The following SCML2 variants were observed in gnomAD, a reference collection of about 807,000 sequenced individuals.
SCML2 encodes the protein Scm polycomb group protein like 2.
A neutral mutation model predicts 48.4 loss-of-function variants in SCML2; 6 were observed. That is an observed-to-expected ratio of 0.12 (90% CI 0.07 to 0.24). The LOEUF is 0.24. Among genes scored for constraint, SCML2 ranks in the 10% least tolerant of loss-of-function variants. The pLI is 1.00. For missense variants in SCML2, 377 were observed against 528.2 expected (o/e 0.71, Z 2.81); for synonymous variants, 181 against 189.5 (o/e 0.95, Z 0.37).
At chrX:18,249,709 T>C (rs949170886) in intron 11 of SCML2, among the ~76,000 whole-genome samples, 1 of 111,403 alleles carries the variant, frequency 9.0e-6, no homozygotes, top group Admixed American at 9.6e-5. Context: ...ACGGTTCACA[T>C]GCATATGCAC....
chrX:18,297,877 C>T (rs955010287), intron 7 of SCML2, among the ~76,000 whole-genome samples: 15 of 110,628 alleles, frequency 1.4e-4, no homozygotes, highest in Non-Finnish European at 1.9e-4. Flanking sequence ...GGCATGGTGA[C>T]ACATGCCTGT....
intron 11 of SCML2, among the ~76,000 whole-genome samples, chrX:18,253,995 G>C (rs1394679915): frequency 8.9e-6 from 1 of 111,765 alleles, no homozygotes; most frequent in Non-Finnish European, 1.9e-5. Context: ...AGGTATCCTT[G>C]TGCGAAGTGA....
chrX:18,260,492 T>G (rs1443337616), intron 8 of SCML2, among the ~76,000 whole-genome samples: 2 of 111,236 alleles, frequency 1.8e-5, no homozygotes, highest in Non-Finnish European at 3.8e-5. Flanking sequence ...ACTGTCCAGG[T>G]AGGGGAGAAA....
rs201932466 is a variant in SCML2, at chrX:18,350,577, G to GA, written c.-25+4014dup. Among the ~76,000 whole-genome samples the GA allele has an allele frequency of 3.7e-3, 299 of 81,322 alleles. 3 individuals carry two copies. The highest frequency in any genetic ancestry group is 6.6e-3 in the Middle Eastern group (1 of 152). The allele number at this position is 81,322 out of a possible 115,157, so 70.6% of individuals were successfully genotyped here. ...GGTGACAAAACGAGACTCCATCTCGGAAAAAAAAAAAAAAAAAATTAGCTG... is the reference window on the plus strand; with the variant it reads ...GGTGACAAAACGAGACTCCATCTCGGAAAAAAAAAAAAAAAAAAATTAGCTG... On this transcript the variant is annotated intron_variant, in intron 1 of 14. Coordinates refer to ENST00000251900, the MANE Select transcript of SCML2 (RefSeq NM_006089.3).
At chrX:18,289,741 A>C (rs1928169728) in intron 7 of SCML2, among the ~76,000 whole-genome samples, 1 of 112,004 alleles carries the variant, frequency 8.9e-6, no homozygotes, top group Non-Finnish European at 1.9e-5. Context: ...TAAAAGCTAT[A>C]AAATCTTAAT....
At chrX:18,296,010 T>G (rs943556708) in intron 7 of SCML2, among the ~76,000 whole-genome samples, 1 of 111,771 alleles carries the variant, frequency 8.9e-6, no homozygotes, top group Admixed American at 9.5e-5. Flanking sequence ...AAGCGGCAAC[T>G]ATTATGCTAG....
intron 1 of SCML2, chrX:18,341,198 T>C: frequency 5.4e-6 from 3 of 550,744 alleles, no homozygotes; most frequent in Non-Finnish European, 8.1e-6. Flanking sequence ...GTTTGCCCAC[T>C]AGGATTGTTT....
chrX:18,334,083 T>C lies in SCML2; in HGVS notation c.-12A>G, dbSNP rs147332172. 488 of 1,188,124 alleles carry C rather than the reference T, an allele frequency of 4.1e-4. 1 individual carries two copies. Among genetic ancestry groups the C allele is most frequent in the South Asian group, 3.6e-3 (187 of 52,158 alleles). On this transcript the variant is annotated 5_prime_UTR_variant, in exon 2 of 15. Coordinates refer to ENST00000251900, the MANE Select transcript of SCML2 (RefSeq NM_006089.3). ...ACTGTTTGTCCCATGGTATCCCTATTTGGTGTTGTTTCCTACAAGGAGAAA... is the reference window on the plus strand; with the variant it reads ...ACTGTTTGTCCCATGGTATCCCTATCTGGTGTTGTTTCCTACAAGGAGAAA...
At chrX:18,326,422 T>C in intron 3 of SCML2, among the ~76,000 whole-genome samples, 1 of 110,385 alleles carries the variant, frequency 9.1e-6, no homozygotes, top group South Asian at 3.9e-4. Flanking sequence ...GGTGGCTCTG[T>C]AATCCCAGCA....
At chrX:18,354,104 C>A (rs1930461719) in intron 1 of SCML2, among the ~76,000 whole-genome samples, 1 of 112,376 alleles carries the variant, frequency 8.9e-6, no homozygotes, top group South Asian at 3.6e-4. Flanking sequence ...GATTTGCGCC[C>A]GCACGCCGCC....
intron 6 of SCML2, among the ~76,000 whole-genome samples, chrX:18,307,008 G>A (rs780385006): frequency 3.6e-5 from 4 of 110,542 alleles, no homozygotes; most frequent in Non-Finnish European, 5.7e-5. Context: ...AACCACCCTG[G>A]GCTCAAACCT....
intron 14 of SCML2, among the ~76,000 whole-genome samples, chrX:18,242,074 A>C (rs1436766227): frequency 8.9e-6 from 1 of 111,766 alleles, no homozygotes; most frequent in Admixed American, 9.6e-5. Flanking sequence ...GAGGAAGGCC[A>C]CCCTGTAATA....
At chrX:18,290,172 T>C (rs926736798) in intron 7 of SCML2, among the ~76,000 whole-genome samples, 7 of 111,871 alleles carry the variant, frequency 6.3e-5, no homozygotes, top group African/African-American at 2.3e-4. Flanking sequence ...TTAAGGTCTA[T>C]TTAAGTAAGT....
chrX:18,244,035 T>C (rs1926357083), intron 13 of SCML2, among the ~76,000 whole-genome samples: 1 of 112,180 alleles, frequency 8.9e-6, no homozygotes, highest in African/African-American at 3.2e-5. Flanking sequence ...AAAGAACTTA[T>C]AGTGGTTAAT....
At chrX:18,308,011 T>C (rs919184130) in intron 6 of SCML2, among the ~76,000 whole-genome samples, 3 of 105,788 alleles carry the variant, frequency 2.8e-5, no homozygotes, top group African/African-American at 6.9e-5. Flanking sequence ...GGAGAATCGC[T>C]TGAATCCAGG....
intron 1 of SCML2, among the ~76,000 whole-genome samples, chrX:18,353,174 T>C (rs961116567): frequency 9.2e-6 from 1 of 108,652 alleles, no homozygotes; most frequent in Non-Finnish European, 1.9e-5. Flanking sequence ...TGAAAGCACA[T>C]TCGTAATTGG....
chrX:18,321,250 A>C (rs1929309799), intron 5 of SCML2, among the ~76,000 whole-genome samples: 1 of 111,519 alleles, frequency 9.0e-6, no homozygotes, highest in Non-Finnish European at 1.9e-5. Flanking sequence ...GATGCTATCA[A>C]AATAGACTCA....
chrX:18,324,735 T>G (rs1221336637), intron 4 of SCML2, among the ~76,000 whole-genome samples, 172 bp downstream of exon 4: 1 of 112,188 alleles, frequency 8.9e-6, no homozygotes, highest in Non-Finnish European at 1.9e-5. Flanking sequence ...TAAAGCTTAT[T>G]ATACCTGACA....
At chrX:18,316,780 AC>A (rs1929135105) in intron 6 of SCML2, among the ~76,000 whole-genome samples, 1 of 112,155 alleles carries the variant, frequency 8.9e-6, no homozygotes, top group Non-Finnish European at 1.9e-5. Flanking sequence ...CACTCGCATT[AC>A]CACCTCAGCT....
Sources: gnomAD v4.1 joint callset for allele counts (sites outside exome capture counted in the v4.1 genomes callset) on GRCh38, gnomAD v4.1.1 for gene constraint, MANE v1.5 for transcripts, NCBI Gene and HGNC (gene_info 2026-07-23, HGNC 2026-07-21) for gene names.